CNOT6: variants seen among roughly 807,000 people sequenced by gnomAD.
CNOT6 encodes the protein carbon catabolite repression 4 protein.
CNOT6 carries 12 observed loss-of-function variants against 61.2 expected under a neutral mutation model. The observed-to-expected ratio is 0.20, with a 90% CI of 0.13 to 0.32. The LOEUF is 0.32. Ranked by LOEUF, CNOT6 falls within the 10% of genes least tolerant of loss-of-function variation. CNOT6 has a pLI of 1.00. For synonymous variants in CNOT6, 225 were observed against 240.6 expected, an observed-to-expected ratio of 0.94 and a Z score of 0.60; for missense variants, 405 against 663.9, an observed-to-expected ratio of 0.61 and a Z score of 4.28.
intron 11 of CNOT6, among the ~76,000 whole-genome samples, chr5:180,572,954 G>GATT (rs1462546763): frequency 6.6e-6 from 1 of 152,160 alleles, no homozygotes; most frequent in East Asian, 1.9e-4. Flanking sequence ...TAATCATTTA[G>GATT]ATTAGACTGT....
intron 1 of CNOT6, among the ~76,000 whole-genome samples, chr5:180,515,658 A>G (rs1464688960): frequency 6.6e-6 from 1 of 152,158 alleles, no homozygotes; most frequent in Non-Finnish European, 1.5e-5. Flanking sequence ...GATTGGCATG[A>G]AAGTTAGTGT....
chr5:180,523,817 T>C (rs980208271), intron 1 of CNOT6, among the ~76,000 whole-genome samples: 6 of 152,174 alleles, frequency 3.9e-5, no homozygotes, highest in African/African-American at 1.4e-4. Context: ...ATTCAAAGTT[T>C]ATGGTATACG....
Position 180,576,934 on chromosome 5 carries a change from T to C in CNOT6, c.*2734T>C, listed in dbSNP as rs1164702977. On this transcript the variant is annotated 3_prime_UTR_variant, in exon 12 of 12. Transcript: ENST00000261951. ...ATTTTAGAAATGTCTTACAAAAAGT[T>C]TAGGGCATGTTTTCTGTTTTAAAGA... is the stretch of plus-strand genomic sequence containing the variant. 6.6e-6 allele frequency: 1 copy of C among 152,222 alleles called. No individual in the cohort carries two copies. The highest frequency in any genetic ancestry group is 2.4e-5 in the African/African-American group (1 of 41,452). 9.4% of individuals were successfully genotyped at this position (152,222 alleles called of 1,614,324 possible). A position where few individuals can be genotyped will look rare whatever the true frequency, so the allele number is the denominator to read the frequency against.
At chr5:180,566,043 G>C (rs538739211) in intron 7 of CNOT6, 66 bp downstream of exon 7, 1 of 1,417,530 alleles carries the variant, frequency 7.1e-7, no homozygotes, top group Non-Finnish European at 9.6e-7. Context: ...AATACATTAC[G>C]CTGACACATT....
At chr5:180,565,761 A>G in intron 6 of CNOT6, 59 bp from the exon 7 acceptor site, 1 of 1,446,174 alleles carries the variant, frequency 6.9e-7, no homozygotes, top group Non-Finnish European at 9.4e-7. Flanking sequence ...CATTACTGAA[A>G]TTAATTATAT....
At chr5:180,566,061 T>A in intron 7 of CNOT6, 84 bp downstream of exon 7, 1 of 1,248,176 alleles carries the variant, frequency 8.0e-7, no homozygotes, top group Non-Finnish European at 1.1e-6. Flanking sequence ...ATTTGAAGTT[T>A]TAGCTTCAGT....
intron 1 of CNOT6, among the ~76,000 whole-genome samples, chr5:180,523,572 ATATATT>A (rs1757966308): frequency 6.6e-6 from 1 of 152,166 alleles, no homozygotes; most frequent in Admixed American, 6.5e-5. Flanking sequence ...GGAGGTTCAA[ATATATT>A]TAAGTGCTTT....
intron 2 of CNOT6, among the ~76,000 whole-genome samples, chr5:180,535,546 T>G (rs532706195): frequency 1.3e-5 from 2 of 152,372 alleles, no homozygotes; most frequent in South Asian, 4.1e-4. Flanking sequence ...GCATTTTCTT[T>G]ATCCAGTCAT....
intron 7 of CNOT6, among the ~76,000 whole-genome samples, chr5:180,566,191 C>T (rs1416760439): frequency 6.6e-6 from 1 of 152,198 alleles, no homozygotes; most frequent in Non-Finnish European, 1.5e-5. Context: ...ATGCGTTTGC[C>T]ATGACCGCTA....
intron 4 of CNOT6, among the ~76,000 whole-genome samples, chr5:180,561,800 T>C (rs1488983786): frequency 6.6e-6 from 1 of 152,186 alleles, no homozygotes; most frequent in Non-Finnish European, 1.5e-5. Flanking sequence ...GTGTCCTCTT[T>C]ATTGCAGGGA....
chr5:180,567,957 G>C lies in CNOT6; in HGVS notation c.981G>C (p.Gly327=). 1 of 1,613,760 alleles carries C rather than the reference G, an allele frequency of 6.2e-7. No homozygotes were observed. The highest frequency in any genetic ancestry group is 1.1e-5 in the South Asian group (1 of 91,068). ...GAGTCATGACAAAAGATAACATTGG[G>C]GTTGCAGTACTGCTAGAACTTCGGA... ...LNRVMTKDNI[G]VAVLLELRKE... Residue 327 remains glycine (G), a synonymous_variant, in exon 9 of 12, where the codon GGG becomes GGC. Coordinates refer to ENST00000261951, the MANE Select transcript of CNOT6 (RefSeq NM_001370472.1).
At chr5:180,556,268 G>A (rs184810538) in intron 4 of CNOT6, among the ~76,000 whole-genome samples, 37 of 152,256 alleles carry the variant, frequency 2.4e-4, no homozygotes, top group African/African-American at 4.8e-5. Context: ...GCTTGGGGAC[G>A]GGGGACAGAG....
intron 9 of CNOT6, among the ~76,000 whole-genome samples, chr5:180,568,779 A>G (rs997004491): frequency 1.3e-5 from 2 of 152,208 alleles, no homozygotes; most frequent in Admixed American, 1.3e-4. Context: ...AATCTAAGAA[A>G]GAGGGTTTAG....
chr5:180,505,088 A>T (rs558907439), intron 1 of CNOT6, among the ~76,000 whole-genome samples: 2 of 148,710 alleles, frequency 1.3e-5, no homozygotes, highest in African/African-American at 5.0e-5. Context: ...CCTCCCAAGT[A>T]GCTGGGACTA....
At chr5:180,532,406 A>G (rs1758439247) in intron 2 of CNOT6, among the ~76,000 whole-genome samples, 1 of 152,066 alleles carries the variant, frequency 6.6e-6, no homozygotes, top group Admixed American at 6.6e-5. Context: ...CTTCCACCAC[A>G]TGCTGTGAAC....
chr5:180,495,031 G>T (rs1479918443), intron 1 of CNOT6, among the ~76,000 whole-genome samples: 2 of 152,152 alleles, frequency 1.3e-5, no homozygotes, highest in Non-Finnish European at 2.9e-5. Context: ...GAGGGTCGGC[G>T]CTGGGCTCCC....
At chr5:180,570,335 G>A (rs149018614) in intron 10 of CNOT6, among the ~76,000 whole-genome samples, 1 of 152,254 alleles carries the variant, frequency 6.6e-6, no homozygotes, top group East Asian at 1.9e-4. Context: ...TTCAGCCTGG[G>A]TGACAGAACG....
At chr5:180,521,381 A>C (rs1161313335) in intron 1 of CNOT6, among the ~76,000 whole-genome samples, 1 of 152,212 alleles carries the variant, frequency 6.6e-6, no homozygotes, top group African/African-American at 2.4e-5. Flanking sequence ...TAAGTGACTC[A>C]GGTTTCATAA....
At chr5:180,573,881 T>C (rs1760889015) in intron 11 of CNOT6, 107 bp from the exon 12 acceptor site, 1 of 756,130 alleles carries the variant, frequency 1.3e-6, no homozygotes, top group South Asian at 1.7e-5. Context: ...TAAGTTTCAC[T>C]TGTTCTGTTC....
Sources: gnomAD v4.1 joint callset for allele counts (sites outside exome capture counted in the v4.1 genomes callset) on GRCh38, gnomAD v4.1.1 for gene constraint, MANE v1.5 for transcripts, NCBI Gene and HGNC (gene_info 2026-07-23, HGNC 2026-07-21) for gene names.